CEP126: variants seen among roughly 807,000 people sequenced by gnomAD.
CEP126 encodes the protein centrosomal protein of 126 kDa.
In CEP126, 74 loss-of-function variants were observed where a neutral mutation model predicts 107.8. The ratio of observed to expected loss-of-function variants is 0.69; its 90% CI spans 0.57 to 0.83. The LOEUF (loss-of-function observed/expected upper bound fraction) is 0.83. Ranked by LOEUF, CEP126 falls within the 40% of genes least tolerant of loss-of-function variation. The probability of loss-of-function intolerance (pLI) is 0.00; values close to 1 mark genes in which losing one functional copy is unlikely to be tolerated. For synonymous variants in CEP126, 449 were observed against 446.0 expected (o/e 1.01, Z -0.08); for missense variants, 1,237 against 1,281.9 (o/e 0.96, Z 0.53).
At chr11:101,918,876 G>A (rs576013833) in intron 1 of CEP126, among the ~76,000 whole-genome samples, 3 of 152,316 alleles carry the variant, frequency 2.0e-5, no homozygotes, top group South Asian at 4.2e-4. Flanking sequence ...CTGAAAGGAT[G>A]AGTAGAGTTA....
intron 6 of CEP126, among the ~76,000 whole-genome samples, chr11:101,970,908 T>G (rs1941119681): frequency 1.3e-5 from 2 of 152,214 alleles, no homozygotes; most frequent in African/African-American, 2.4e-5. Context: ...ATAGCTAGTG[T>G]AAGTGGCATA....
intron 7 of CEP126, among the ~76,000 whole-genome samples, chr11:101,979,371 C>T (rs903911038): frequency 8.5e-5 from 13 of 152,196 alleles, no homozygotes; most frequent in South Asian, 4.1e-4. Flanking sequence ...CTCCTAATAA[C>T]GGTTCCACAA....
intron 4 of CEP126, chr11:101,955,644 G>A: frequency 6.0e-6 from 2 of 333,640 alleles, no homozygotes; most frequent in Non-Finnish European, 1.2e-5. Context: ...GAGGACACTG[G>A]TTGATCAAAG....
At chr11:101,947,571 A>G (rs1310649631) in intron 3 of CEP126, among the ~76,000 whole-genome samples, 1 of 152,180 alleles carries the variant, frequency 6.6e-6, no homozygotes, top group Non-Finnish European at 1.5e-5. Context: ...TAGTTTCCTC[A>G]GCTGTAAAAT....
chr11:101,960,245 G>GA (rs201066059), intron 5 of CEP126, among the ~76,000 whole-genome samples: 1 of 151,214 alleles, frequency 6.6e-6, no homozygotes, highest in African/African-American at 2.4e-5. Flanking sequence ...AAAATCTGAA[G>GA]AAAAAAAAAG....
At chr11:101,982,139 T>C (rs1476188981) in intron 8 of CEP126, among the ~76,000 whole-genome samples, 175 bp downstream of exon 8, 1 of 152,222 alleles carries the variant, frequency 6.6e-6, no homozygotes, top group African/African-American at 2.4e-5. Context: ...TTCTAAATAA[T>C]AATGTATTGA....
At chr11:101,916,874 C>T (rs865839800) in intron 1 of CEP126, among the ~76,000 whole-genome samples, 5 of 151,822 alleles carry the variant, frequency 3.3e-5, no homozygotes, top group Non-Finnish European at 4.4e-5. Flanking sequence ...ATGAACACAA[C>T]CAAATAGACT....
intron 7 of CEP126, 84 bp downstream of exon 7, chr11:101,978,543 C>A: frequency 1.2e-6 from 1 of 810,878 alleles, no homozygotes; most frequent in Non-Finnish European, 2.1e-6. Flanking sequence ...TATGCTCTTG[C>A]TGTAAACTGT....
intron 2 of CEP126, among the ~76,000 whole-genome samples, chr11:101,925,169 C>G (rs1940388486): frequency 6.6e-6 from 1 of 152,114 alleles, no homozygotes; most frequent in Admixed American, 6.5e-5. Flanking sequence ...TTTTTTGCCT[C>G]TCATAGCATC....
intron 1 of CEP126, among the ~76,000 whole-genome samples, chr11:101,918,808 A>G (rs1223978563): frequency 1.3e-5 from 2 of 152,208 alleles, no homozygotes; most frequent in Non-Finnish European, 2.9e-5. Context: ...GGTGTCATCA[A>G]GTCATCTAGT....
At chr11:101,978,235 T>G in intron 6 of CEP126, 112 bp from the exon 7 acceptor site, 1 of 711,570 alleles carries the variant, frequency 1.4e-6, no homozygotes, top group Non-Finnish European at 2.5e-6. Flanking sequence ...ACTGAATGAA[T>G]TAAACTTACA....
intron 6 of CEP126, among the ~76,000 whole-genome samples, chr11:101,967,331 A>T (rs1259144711): frequency 6.6e-6 from 1 of 152,044 alleles, no homozygotes; most frequent in African/African-American, 2.4e-5. Context: ...CATCATTTCA[A>T]TAGTTCTTTT....
At chr11:101,986,570 T>C (rs1418455275) in intron 8 of CEP126, among the ~76,000 whole-genome samples, 1 of 152,228 alleles carries the variant, frequency 6.6e-6, no homozygotes, top group Non-Finnish European at 1.5e-5. Flanking sequence ...AGTTTTTTTC[T>C]TTAGTTCAAG....
chr11:101,931,249 A>G (rs1393409380), intron 2 of CEP126, among the ~76,000 whole-genome samples: 1 of 152,130 alleles, frequency 6.6e-6, no homozygotes, highest in Admixed American at 6.5e-5. Context: ...TAATTCTATG[A>G]ATCTTTATTG....
intron 1 of CEP126, among the ~76,000 whole-genome samples, chr11:101,917,188 C>A (rs1940235402): frequency 1.3e-5 from 2 of 151,888 alleles, no homozygotes; most frequent in South Asian, 2.1e-4. Context: ...AAGATTATAA[C>A]ACTAAATCAA....
At chr11:101,988,265 G>T (rs951047421) in intron 9 of CEP126, among the ~76,000 whole-genome samples, 2 of 152,104 alleles carry the variant, frequency 1.3e-5, no homozygotes, top group African/African-American at 4.8e-5. Context: ...TATAATAATT[G>T]AAATGTAAAA....
chr11:101,990,164 C>G (rs940447303), intron 9 of CEP126, among the ~76,000 whole-genome samples: 14 of 151,104 alleles, frequency 9.3e-5, no homozygotes, highest in African/African-American at 3.2e-4. Context: ...CACAAGGGAA[C>G]CTCACACCTA....
rs758032361 is a variant in CEP126, at chr11:101,986,905, G to C, written c.3108G>C (p.Leu1036=). The part of the protein sequence containing the change: ...VKASVPEDEI[L]TVLNSKQIQK... ...CATCAGTGCCGGAGGATGAGATTCTGACTGTCTTGAATAGCAAACAGATAC... is the reference window on the plus strand; with the variant it reads ...CATCAGTGCCGGAGGATGAGATTCTCACTGTCTTGAATAGCAAACAGATAC... The change falls in exon 9 of 11, where the codon CTG becomes CTC. Residue 1036 remains leucine, a synonymous_variant. Coordinates refer to ENST00000263468, the MANE Select transcript of CEP126 (RefSeq NM_020802.4). The C allele has an allele frequency of 4.3e-5, 69 of 1,613,714 alleles. No homozygotes were observed. Among genetic ancestry groups the C allele is most frequent in the Non-Finnish European group, 5.8e-5 (69 of 1,179,876 alleles).
At position 101,915,116 on chromosome 11, in the gene CEP126, C is replaced by T; in HGVS notation, c.-169C>T. On this transcript the variant is annotated 5_prime_UTR_variant, in exon 1 of 11. Coordinates refer to ENST00000263468, the MANE Select transcript of CEP126 (RefSeq NM_020802.4). Reference sequence around the variant, plus strand: ...TCAGCTGCCATCGCCGCTACAGGCACCAGTGCCGCTGCGCGGGAGCTAGGG... The same window carrying T: ...TCAGCTGCCATCGCCGCTACAGGCATCAGTGCCGCTGCGCGGGAGCTAGGG... The T allele has an allele frequency of 9.9e-7, 1 of 1,008,950 alleles. No individual in the cohort carries two copies. Among genetic ancestry groups the T allele is most frequent in the Non-Finnish European group, 1.4e-6 (1 of 711,106 alleles). 62.5% of individuals were successfully genotyped at this position (1,008,950 alleles called of 1,614,324 possible).
Sources: allele counts gnomAD v4.1 joint callset (sites outside exome capture counted in the v4.1 genomes callset), GRCh38; gene constraint gnomAD v4.1.1; transcripts MANE v1.5; gene names NCBI Gene and HGNC (gene_info 2026-07-23, HGNC 2026-07-21).